ATF6: variants seen among roughly 807,000 people sequenced by gnomAD.
ATF6 encodes cyclic AMP-dependent transcription factor ATF-6 alpha.
Under a neutral mutation model 83.6 loss-of-function variants are expected in ATF6, and 53 were observed. The observed-to-expected ratio is 0.63, with a 90% CI of 0.51 to 0.80. The LOEUF (loss-of-function observed/expected upper bound fraction) is 0.80. ATF6 is among the 30% of genes least tolerant of loss of function. The pLI is 0.00. For synonymous variants in ATF6, 288 were observed against 285.8 expected (o/e 1.01, Z -0.08); for missense variants, 744 against 797.9 (o/e 0.93, Z 0.81).
intron 7 of ATF6, among the ~76,000 whole-genome samples, chr1:161,808,250 A>G (rs1350612163): frequency 1.3e-5 from 2 of 152,170 alleles, no homozygotes; most frequent in African/African-American, 4.8e-5. Flanking sequence ...ATAAACAATG[A>G]AATACTTCTC....
chr1:161,844,826 C>T (rs1686443832), intron 9 of ATF6, among the ~76,000 whole-genome samples: 1 of 152,118 alleles, frequency 6.6e-6, no homozygotes, highest in African/African-American at 2.4e-5. Flanking sequence ...CTGCTTCTCT[C>T]ATGTTTTCTT....
At position 161,958,544 on chromosome 1, in the gene ATF6, C is replaced by T. The variant is rs1447528376; in HGVS notation, c.1903C>T (p.Pro635Ser). 2 of 1,613,956 alleles carry T rather than the reference C, an allele frequency of 1.2e-6. No individual in the cohort carries two copies. Among genetic ancestry groups the T allele is most frequent in the Non-Finnish European group, 1.7e-6 (2 of 1,179,960 alleles). Reference sequence around the variant, plus strand: ...CCATATCAAAAGTTCGTCAGTTCCTCCTTACCTCCGAGATCAGCAGAGGAA... The same window carrying T: ...CCATATCAAAAGTTCGTCAGTTCCTTCTTACCTCCGAGATCAGCAGAGGAA... ...ILHIKSSSVP[P>S]YLRDQQRNQT... Residue 635 changes from proline to serine, a missense_variant, in exon 16 of 16, where the codon CCT (proline) becomes TCT (serine). By Grantham distance (74) the Pro-to-Ser change is moderately conservative. Coordinates refer to ENST00000367942, the MANE Select transcript of ATF6 (RefSeq NM_007348.4).
chr1:161,846,649 A>C, intron 10 of ATF6, 69 bp downstream of exon 10: 1 of 1,432,828 alleles, frequency 7.0e-7, no homozygotes, highest in South Asian at 1.5e-5. Context: ...AATTATCTGT[A>C]GTATAACATT....
intron 13 of ATF6, among the ~76,000 whole-genome samples, chr1:161,862,104 C>T (rs1686898876): frequency 6.6e-6 from 1 of 152,160 alleles, no homozygotes; most frequent in African/African-American, 2.4e-5. Context: ...AGGAACCTAA[C>T]CCTGTATTTC....
chr1:161,900,169 A>G (rs4657117), intron 14 of ATF6, among the ~76,000 whole-genome samples: 14,590 of 152,254 alleles, frequency 0.096, 1,300 homozygotes, highest in East Asian at 0.33. Flanking sequence ...GCTCACATTT[A>G]TTTCAATATT....
intron 15 of ATF6, among the ~76,000 whole-genome samples, chr1:161,933,403 A>G (rs1432480753): frequency 6.6e-6 from 1 of 152,228 alleles, no homozygotes; most frequent in East Asian, 1.9e-4. Flanking sequence ...CTGTTTTATC[A>G]AGAGACAACA....
At chr1:161,766,482 C>G (rs113060703) in intron 1 of ATF6, 40 bp downstream of exon 1, 1 of 1,597,436 alleles carries the variant, frequency 6.3e-7, no homozygotes, top group Admixed American at 1.7e-5. Context: ...GGCTCGGGTT[C>G]GCGTCTAAAG....
chr1:161,954,228 C>T (rs1422991491), intron 15 of ATF6, among the ~76,000 whole-genome samples: 1 of 152,168 alleles, frequency 6.6e-6, no homozygotes, highest in Non-Finnish European at 1.5e-5. Flanking sequence ...CATTCTACCA[C>T]TTCCTTGTTC....
At chr1:161,833,094 C>A (rs567353052) in intron 9 of ATF6, among the ~76,000 whole-genome samples, 1 of 152,280 alleles carries the variant, frequency 6.6e-6, no homozygotes, top group East Asian at 1.9e-4. Flanking sequence ...ATTTGCAGTT[C>A]ACCAATATCC....
chr1:161,901,553 A>C (rs922213072), intron 14 of ATF6, among the ~76,000 whole-genome samples: 1 of 151,790 alleles, frequency 6.6e-6, no homozygotes, highest in Non-Finnish European at 1.5e-5. Flanking sequence ...CAGATTTTTA[A>C]TATGTGATTT....
intron 15 of ATF6, among the ~76,000 whole-genome samples, chr1:161,945,483 G>A (rs571487238): frequency 6.6e-6 from 1 of 152,284 alleles, no homozygotes; most frequent in South Asian, 2.1e-4. Flanking sequence ...CACTATGCCA[G>A]TCCAGTATGT....
chr1:161,794,775 C>T (rs965469532), intron 6 of ATF6, among the ~76,000 whole-genome samples: 2 of 152,200 alleles, frequency 1.3e-5, no homozygotes, highest in African/African-American at 4.8e-5. Context: ...TTCTACTTCT[C>T]AGTCCTCCAT....
At chr1:161,920,452 G>A (rs969777866) in intron 15 of ATF6, among the ~76,000 whole-genome samples, 5 of 151,458 alleles carry the variant, frequency 3.3e-5, no homozygotes, top group African/African-American at 9.7e-5. Flanking sequence ...CCGCCACCAT[G>A]CCCGGCTAAT....
chr1:161,945,799 C>G (rs180825333), intron 15 of ATF6, among the ~76,000 whole-genome samples: 103 of 152,294 alleles, frequency 6.8e-4, no homozygotes, highest in African/African-American at 2.3e-3. Flanking sequence ...ATAAGCATTT[C>G]ACGCATGCTG....
chr1:161,887,168 T>C (rs966541217), intron 14 of ATF6, among the ~76,000 whole-genome samples: 1 of 151,786 alleles, frequency 6.6e-6, no homozygotes, highest in Non-Finnish European at 1.5e-5. Flanking sequence ...ACCTCCCGGG[T>C]TCAATCTGTT....
intron 4 of ATF6, among the ~76,000 whole-genome samples, chr1:161,787,149 C>T (rs1684764455): frequency 6.6e-6 from 1 of 152,090 alleles, no homozygotes. Context: ...CACTTTGATC[C>T]CTTCATAGAT....
intron 15 of ATF6, among the ~76,000 whole-genome samples, chr1:161,946,707 A>C (rs1222715775): frequency 6.6e-6 from 1 of 152,170 alleles, no homozygotes; most frequent in Non-Finnish European, 1.5e-5. Context: ...TATTTACTCA[A>C]TTTTGCCCAT....
intron 15 of ATF6, among the ~76,000 whole-genome samples, chr1:161,915,790 T>C (rs1382681631): frequency 1.3e-5 from 2 of 152,016 alleles, no homozygotes; most frequent in African/African-American, 4.8e-5. Flanking sequence ...TCCCAGCTAA[T>C]TTTTAAATTG....
In ATF6 at chr1:161,851,709, A is replaced by G; in HGVS notation, c.1320-13A>G. 1.3e-6 allele frequency: 2 copies of G among 1,587,934 alleles called. No individual in the cohort carries two copies. The highest frequency in any genetic ancestry group is 1.7e-6 in the Non-Finnish European group (2 of 1,158,994). On this transcript the variant is annotated splice_polypyrimidine_tract_variant and intron_variant, in intron 10 of 15. Coordinates refer to ENST00000367942, the MANE Select transcript of ATF6 (RefSeq NM_007348.4). Reference sequence around the variant, plus strand: ...AGATACAAGGAAACAAATTTTGTGCATCCATGTTTCAGATATGATCATTCT... The same window carrying G: ...AGATACAAGGAAACAAATTTTGTGCGTCCATGTTTCAGATATGATCATTCT...
Sources: gnomAD v4.1 joint callset for allele counts (sites outside exome capture counted in the v4.1 genomes callset) on GRCh38, gnomAD v4.1.1 for gene constraint, MANE v1.5 for transcripts, NCBI Gene and HGNC (gene_info 2026-07-23, HGNC 2026-07-21) for gene names.